Variants in PDE3A observed in about 807,000 individuals in gnomAD.
PDE3A encodes the protein phosphodiesterase 3A.
PDE3A carries 43 observed loss-of-function variants against 98.3 expected under a neutral mutation model. That is an observed-to-expected ratio of 0.44 (90% confidence interval 0.34 to 0.56). The LOEUF is 0.56. Ranked by LOEUF, PDE3A falls within the 20% of genes least tolerant of loss-of-function variation. PDE3A has a pLI of 0.01. For missense variants in PDE3A, 1,427 were observed against 1,440.7 expected (o/e 0.99, Z 0.15); for synonymous variants, 663 against 567.9 (o/e 1.17, Z -2.38).
intron 1 of PDE3A, among the ~76,000 whole-genome samples, chr12:20,539,243 A>T (rs1441887063): frequency 1.3e-5 from 2 of 152,100 alleles, no homozygotes; most frequent in East Asian, 3.9e-4. Flanking sequence ...CACAAAATTT[A>T]TTTATGTTTT....
intron 2 of PDE3A, among the ~76,000 whole-genome samples, chr12:20,598,234 G>A (rs764193662): frequency 5.6e-4 from 85 of 151,716 alleles, no homozygotes; most frequent in Non-Finnish European, 1.1e-3. Context: ...CCAGGCTGGA[G>A]TGCAATGGCG....
In PDE3A at chr12:20,546,271, G is replaced by A. The variant is rs1327474595; in HGVS notation, c.961-10389G>A. 7.9e-5 allele frequency among the ~76,000 whole-genome samples: 12 copies of A among 151,982 alleles called. No individual in the cohort carries two copies. In the East Asian group the frequency reaches 2.1e-3, roughly 27 times the overall value. ...AATTCTGTTAGCTTCTTTGGCCTAA[G>A]CCCCGGACCAAATGCAGACTTCCAC... On this transcript the variant is annotated intron_variant, in intron 1 of 15. Transcript: ENST00000359062.
rs1188529293 is a variant in PDE3A, at chr12:20,597,977, T to A, written c.1012-15466T>A. On this transcript the variant is annotated intron_variant, in intron 2 of 15. Transcript: ENST00000359062. The stretch of plus-strand genomic sequence containing the variant: ...CAAACAAAATTCTATCATACTTATG[T>A]TTTTTTTGTGCTCATAAGCTTCAAA... 2.0e-5 allele frequency among the ~76,000 whole-genome samples: 3 copies of A among 151,814 alleles called. No individual in the cohort carries two copies. In the East Asian group the frequency reaches 5.8e-4, roughly 29 times the overall value.
intron 5 of PDE3A, among the ~76,000 whole-genome samples, chr12:20,625,137 T>C (rs538263710): frequency 3.3e-5 from 5 of 152,310 alleles, no homozygotes; most frequent in African/African-American, 1.2e-4. Flanking sequence ...AGTCAATCAA[T>C]GTTAATTTTA....
At chr12:20,616,412 GTCTCTTAGAGA>G in intron 4 of PDE3A, 28 bp downstream of exon 4, 1 of 1,596,644 alleles carries the variant, frequency 6.3e-7, no homozygotes. Context: ...CTGGTTTAAT[GTCTCTTAGAGA>G]AGTTACTTGC....
intron 1 of PDE3A, among the ~76,000 whole-genome samples, chr12:20,461,397 AC>A: frequency 6.6e-6 from 1 of 152,280 alleles, no homozygotes; most frequent in South Asian, 2.1e-4. Flanking sequence ...CCAATTGGAA[AC>A]AAAATTTTAT....
chr12:20,669,926 CCAAT>C (rs1945426122), intron 15 of PDE3A, among the ~76,000 whole-genome samples: 1 of 151,910 alleles, frequency 6.6e-6, no homozygotes, highest in Admixed American at 6.6e-5. Flanking sequence ...AGAGTCAAGA[CCAAT>C]CAGTGTGCTG....
At position 20,552,759 on chromosome 12, in the gene PDE3A, G is replaced by A. The variant is rs1191143716; in HGVS notation, c.961-3901G>A. On this transcript the variant is annotated intron_variant, in intron 1 of 15. Transcript: ENST00000359062. The surrounding 1 kb of genome is among the most constrained non-coding windows in gnomAD (Gnocchi z 5.1). ...AGGACCGGCCGGCGAGCGGCAGCCC[G>A]TTCCAGTTGTTCCTGAGTAAAGTGG... is the stretch of plus-strand genomic sequence containing the variant. 9 of 1,613,936 alleles carry A rather than the reference G, an allele frequency of 5.6e-6. No homozygotes were observed. Among genetic ancestry groups the A allele is most frequent in the African/African-American group, 4.0e-5 (3 of 74,940 alleles).
At chr12:20,370,422 T>G (rs1255364400) in intron 1 of PDE3A, among the ~76,000 whole-genome samples, 178 bp downstream of exon 1, 37 of 144,180 alleles carry the variant, frequency 2.6e-4, no homozygotes, top group Admixed American at 8.3e-4. Flanking sequence ...TTTTTTTTTT[T>G]GTTTTTTTGC....
At chr12:20,650,211 T>G (rs1301852122) in intron 13 of PDE3A, among the ~76,000 whole-genome samples, 1 of 151,664 alleles carries the variant, frequency 6.6e-6, no homozygotes, top group Non-Finnish European at 1.5e-5. Flanking sequence ...ACACTCACCC[T>G]GTCACCCATT....
At chr12:20,569,186 G>GTCTT (rs1164937020) in intron 2 of PDE3A, among the ~76,000 whole-genome samples, 1 of 151,884 alleles carries the variant, frequency 6.6e-6, no homozygotes, top group Non-Finnish European at 1.5e-5. Flanking sequence ...CACATTTAAA[G>GTCTT]TCTTTTTGAA....
intron 1 of PDE3A, among the ~76,000 whole-genome samples, chr12:20,412,811 A>T (rs1227776552): frequency 1.3e-5 from 2 of 152,208 alleles, no homozygotes; most frequent in Admixed American, 6.5e-5. Context: ...CCTCCAACTC[A>T]GGTAGATAGG....
chr12:20,571,382 TAAG>T (rs1430132558), intron 2 of PDE3A, among the ~76,000 whole-genome samples: 2 of 152,244 alleles, frequency 1.3e-5, no homozygotes, highest in East Asian at 3.9e-4. Flanking sequence ...TTGTAAACTC[TAAG>T]GAGAGCCATT....
chr12:20,601,285 T>C (rs1943585637), intron 2 of PDE3A, among the ~76,000 whole-genome samples: 1 of 152,170 alleles, frequency 6.6e-6, no homozygotes, highest in Non-Finnish European at 1.5e-5. Context: ...CTTTCGTTTC[T>C]GCTGTTTTCA....
chr12:20,577,079 G>T (rs973991503), intron 2 of PDE3A, among the ~76,000 whole-genome samples: 1 of 152,004 alleles, frequency 6.6e-6, no homozygotes, highest in Non-Finnish European at 1.5e-5. Context: ...TCTTCCCATG[G>T]TAACAAGTAG....
chr12:20,505,694 C>A (rs1448902232), intron 1 of PDE3A, among the ~76,000 whole-genome samples: 1 of 152,086 alleles, frequency 6.6e-6, no homozygotes, highest in African/African-American at 2.4e-5. Context: ...TGTTGATGGT[C>A]TCACTATTCT....
chr12:20,393,339 A>G (rs1434950427), intron 1 of PDE3A, among the ~76,000 whole-genome samples: 3 of 151,944 alleles, frequency 2.0e-5, no homozygotes. Flanking sequence ...GTTTCTCCTT[A>G]TAAAACCATC....
intron 1 of PDE3A, among the ~76,000 whole-genome samples, chr12:20,548,292 C>T (rs1050816855): frequency 5.3e-5 from 8 of 152,078 alleles, no homozygotes; most frequent in South Asian, 2.1e-4. Flanking sequence ...CTTCATCAGA[C>T]GGAAAGATTT....
In PDE3A at chr12:20,535,804, CATT is replaced by C. The variant is rs1161117876; in HGVS notation, c.961-20854_961-20852del. On this transcript the variant is annotated intron_variant, in intron 1 of 15. Coordinates refer to ENST00000359062, the MANE Select transcript of PDE3A (RefSeq NM_000921.5). Reference sequence around the variant, plus strand: ...GTAAAGGGTAACATATTGGTCAAAACATTAATTATTTGGAGAATTATTCGATTA... The same window carrying C: ...GTAAAGGGTAACATATTGGTCAAAACAATTATTTGGAGAATTATTCGATTA... 5.9e-5 allele frequency among the ~76,000 whole-genome samples: 9 copies of C among 151,964 alleles called. No homozygotes were observed. In the East Asian group the frequency reaches 1.5e-3, roughly 26 times the overall value.
Sources: allele counts gnomAD v4.1 joint callset (sites outside exome capture counted in the v4.1 genomes callset), GRCh38; gene constraint gnomAD v4.1.1; non-coding constraint Gnocchi (gnomAD v3.1); transcripts MANE v1.5; gene names NCBI Gene and HGNC (gene_info 2026-07-23, HGNC 2026-07-21).